BTBD7: variants seen among roughly 807,000 people sequenced by gnomAD.
The protein encoded by BTBD7 is BTB domain containing 7.
Under a neutral mutation model 99.9 loss-of-function variants are expected in BTBD7, and 38 were observed. The observed-to-expected ratio is 0.38, with a 90% CI of 0.29 to 0.50. The LOEUF (loss-of-function observed/expected upper bound fraction) is 0.50. Among genes scored for constraint, BTBD7 ranks in the 20% least tolerant of loss-of-function variants. The pLI, the probability that BTBD7 is intolerant of heterozygous loss-of-function variation, is 0.93. For missense variants in BTBD7, 1,170 were observed against 1,394.6 expected (o/e 0.84, Z 2.57); for synonymous variants, 520 against 511.4 (o/e 1.02, Z -0.23).
chr14:93,283,999 T>C (rs764783533), intron 3 of BTBD7, among the ~76,000 whole-genome samples: 9 of 152,212 alleles, frequency 5.9e-5, no homozygotes, highest in Non-Finnish European at 1.2e-4. Context: ...TTAACTTAGA[T>C]TAAGAATTTC....
At chr14:93,300,554 G>A (rs112340438) in intron 1 of BTBD7, among the ~76,000 whole-genome samples, 8,908 of 150,272 alleles carry the variant, frequency 0.059, 888 homozygotes, top group African/African-American at 0.21. Flanking sequence ...CTGGGTGCCC[G>A]GCCCTTTTTT....
chr14:93,277,430 T>C (rs776452777), intron 3 of BTBD7, among the ~76,000 whole-genome samples: 17 of 152,174 alleles, frequency 1.1e-4, no homozygotes, highest in Non-Finnish European at 2.1e-4. Context: ...CTCTGGGACC[T>C]ACAGGATGCC....
chr14:93,321,588 G>A (rs2053270303), intron 1 of BTBD7, among the ~76,000 whole-genome samples: 3 of 152,112 alleles, frequency 2.0e-5, no homozygotes, highest in South Asian at 2.1e-4. Context: ...GCAAGACTCC[G>A]TCACAAACAA....
At chr14:93,321,904 G>A (rs2402277) in intron 1 of BTBD7, among the ~76,000 whole-genome samples, 22,033 of 152,102 alleles carry the variant, frequency 0.14, 2,065 homozygotes, top group Admixed American at 0.22. Flanking sequence ...ATAATAGAAG[G>A]AGCGAGAAGA....
In BTBD7 at chr14:93,242,257, G is replaced by C; in HGVS notation, c.*16C>G. ...GATGTTTCACATCTCAGGCACAGAC[G>C]ACTTGGAGGTTGCTCTCAGAGGGCA... On this transcript the variant is annotated 3_prime_UTR_variant, in exon 11 of 11. Transcript: ENST00000334746. 1 of 1,606,270 alleles carries C rather than the reference G, an allele frequency of 6.2e-7. No homozygotes were observed. The highest frequency in any genetic ancestry group is 8.5e-7 in the Non-Finnish European group (1 of 1,173,964).
intron 9 of BTBD7, 87 bp from the exon 10 acceptor site, chr14:93,246,373 T>G: frequency 6.1e-6 from 8 of 1,308,278 alleles, no homozygotes; most frequent in Non-Finnish European, 7.1e-6. Flanking sequence ...TTAAGTGAGG[T>G]ACTTAAGAAA....
chr14:93,329,974 C>T (rs995721026), intron 1 of BTBD7, among the ~76,000 whole-genome samples: 3 of 152,188 alleles, frequency 2.0e-5, no homozygotes, highest in African/African-American at 7.2e-5. Context: ...GATTTTACCA[C>T]AATTAAGCCC....
intron 1 of BTBD7, among the ~76,000 whole-genome samples, chr14:93,306,277 A>C (rs530842010): frequency 1.3e-5 from 2 of 152,220 alleles, no homozygotes; most frequent in Admixed American, 6.5e-5. Context: ...GGGTCCACTG[A>C]GGGTGATAAA....
chr14:93,288,807 T>C lies in BTBD7; in HGVS notation c.1162+5051A>G, dbSNP rs969167166. 16 of 1,507,964 alleles carry C rather than the reference T, an allele frequency of 1.1e-5. No individual in the cohort carries two copies. In the African/African-American group the frequency reaches 2.1e-4, roughly 20 times the overall value. 93.4% of individuals were successfully genotyped at this position (1,507,964 alleles called of 1,614,324 possible). A position where few individuals can be genotyped will look rare whatever the true frequency, so the allele number is the denominator to read the frequency against. On this transcript the variant is annotated intron_variant, in intron 3 of 10. Coordinates refer to ENST00000334746, the MANE Select transcript of BTBD7 (RefSeq NM_001002860.4). ...AAACATCAGTATCTGTAAGTGTATA[T>C]ACTTTTGAGCTGTTCACCATTTCCA... is the stretch of plus-strand genomic sequence containing the variant.
chr14:93,300,155 CTG>C (rs2052976539), intron 1 of BTBD7, among the ~76,000 whole-genome samples: 1 of 151,856 alleles, frequency 6.6e-6, no homozygotes, highest in Non-Finnish European at 1.5e-5. Flanking sequence ...GTTCCTGTAT[CTG>C]TAACATAAGA....
intron 3 of BTBD7, among the ~76,000 whole-genome samples, chr14:93,268,463 G>A (rs1009030188): frequency 3.3e-5 from 5 of 152,072 alleles, no homozygotes; most frequent in African/African-American, 1.2e-4. Context: ...TTAACTAAAA[G>A]CAAATAATAA....
In BTBD7 at chr14:93,300,785, TA is replaced by T. The variant is rs61040290; in HGVS notation, c.-106-4629del. Among the ~76,000 whole-genome samples the T allele has an allele frequency of 4.8e-3, 336 of 70,106 alleles. 30 individuals carry two copies. The highest frequency in any genetic ancestry group is 0.013 in the African/African-American group (207 of 16,418). 46.0% of individuals were successfully genotyped at this position (70,106 alleles called of 152,430 possible). A position where few individuals can be genotyped will look rare whatever the true frequency, so the allele number is the denominator to read the frequency against. The stretch of plus-strand genomic sequence containing the variant: ...GTGTGTGTGTGTGTATATATATATA[TA>T]TTTTTTTTTTGTAGAGATAGGGTTT... On this transcript the variant is annotated intron_variant, in intron 1 of 10. Coordinates refer to ENST00000334746, the MANE Select transcript of BTBD7 (RefSeq NM_001002860.4).
intron 1 of BTBD7, among the ~76,000 whole-genome samples, chr14:93,322,796 C>G (rs1157731462): frequency 6.6e-6 from 1 of 152,142 alleles, no homozygotes; most frequent in East Asian, 1.9e-4. Flanking sequence ...AAGGTATACT[C>G]TATTCCTCTT....
intron 5 of BTBD7, among the ~76,000 whole-genome samples, chr14:93,260,904 CTT>C (rs570324173): frequency 6.8e-6 from 1 of 147,034 alleles, no homozygotes; most frequent in Non-Finnish European, 1.5e-5. Context: ...TATTTGTACT[CTT>C]TTTTTTTTTG....
chr14:93,286,809 A>G (rs1227774944), intron 3 of BTBD7, among the ~76,000 whole-genome samples: 2 of 152,204 alleles, frequency 1.3e-5, no homozygotes, highest in African/African-American at 4.8e-5. Flanking sequence ...CCCTCTGTAC[A>G]TTCAAATTAT....
intron 3 of BTBD7, among the ~76,000 whole-genome samples, chr14:93,272,028 A>G (rs951543026): frequency 6.6e-6 from 1 of 151,422 alleles, no homozygotes; most frequent in Non-Finnish European, 1.5e-5. Context: ...AACAAAAACT[A>G]CATCCTGTGG....
rs1307960652 is a variant in BTBD7, at chr14:93,238,400, G to A, written c.*3873C>T. ...TAAAACACCTTTTAGCAGTGTGCAT[G>A]TTAAGTCTTTTAGTAAGATTATCTG... On this transcript the variant is annotated 3_prime_UTR_variant, in exon 11 of 11. Coordinates refer to ENST00000334746, the MANE Select transcript of BTBD7 (RefSeq NM_001002860.4). 2.0e-5 allele frequency: 3 copies of A among 152,560 alleles called. No individual in the cohort carries two copies. Among genetic ancestry groups the A allele is most frequent in the South Asian group, 2.1e-4 (1 of 4,834 alleles). 9.5% of individuals were successfully genotyped at this position (152,560 alleles called of 1,614,324 possible). A position where few individuals can be genotyped will look rare whatever the true frequency, so the allele number is the denominator to read the frequency against.
Position 93,286,123 on chromosome 14 carries a change from G to T in BTBD7, c.1162+7735C>A, listed in dbSNP as rs73341809. Among the ~76,000 whole-genome samples, 1,064 of 152,228 alleles carry T rather than the reference G, an allele frequency of 7.0e-3. 9 individuals carry two copies. Among genetic ancestry groups the T allele is most frequent in the African/African-American group, 0.021 (853 of 41,536 alleles). On this transcript the variant is annotated intron_variant, in intron 3 of 10. Coordinates refer to ENST00000334746, the MANE Select transcript of BTBD7 (RefSeq NM_001002860.4). ...CTTCTCTCCTTTTCCACTAGATGTT[G>T]CTGCCCCACTCTGCTTCCAGAAAAA...
intron 1 of BTBD7, among the ~76,000 whole-genome samples, chr14:93,327,718 A>G (rs114307673): frequency 0.017 from 2,561 of 152,326 alleles, 78 homozygotes; most frequent in African/African-American, 0.059. Context: ...GATCAGGAAC[A>G]AGCCAAGGAT....
Sources: gnomAD v4.1 joint callset for allele counts (sites outside exome capture counted in the v4.1 genomes callset) on GRCh38, gnomAD v4.1.1 for gene constraint, MANE v1.5 for transcripts, NCBI Gene and HGNC (gene_info 2026-07-23, HGNC 2026-07-21) for gene names.